The following RBFOX1 variants were observed in gnomAD, a reference collection of about 807,000 sequenced individuals.
RBFOX1 encodes the protein RNA binding protein fox-1 homolog 1.
RBFOX1 carries 8 observed loss-of-function variants against 57.7 expected under a neutral mutation model. That is an observed-to-expected ratio of 0.14 (90% CI 0.08 to 0.25). The LOEUF (loss-of-function observed/expected upper bound fraction) is 0.25. Ranked by LOEUF, RBFOX1 falls within the 10% of genes least tolerant of loss-of-function variation. The pLI, the probability that RBFOX1 is intolerant of heterozygous loss-of-function variation, is 1.00. For missense variants in RBFOX1, 611 were observed against 548.5 expected (o/e 1.11, Z -1.14); for synonymous variants, 326 against 222.4 (o/e 1.47, Z -4.15).
At chr16:5,324,006 C>A (rs770409900) in intron 1 of RBFOX1, among the ~76,000 whole-genome samples, 1 of 152,194 alleles carries the variant, frequency 6.6e-6, no homozygotes, top group Non-Finnish European at 1.5e-5. Flanking sequence ...AAGTGCTTTC[C>A]CCTACACTGT....
intron 1 of RBFOX1, among the ~76,000 whole-genome samples, chr16:5,273,332 A>G (rs2063061569): frequency 1.3e-5 from 2 of 151,906 alleles, no homozygotes; most frequent in African/African-American, 2.4e-5. Flanking sequence ...AGCACCTACT[A>G]TGTGTCAGTC....
chr16:6,037,995 G>A (rs1319148573), intron 1 of RBFOX1: 1 of 152,032 alleles, frequency 6.6e-6, no homozygotes. Context: ...GTATACTTAG[G>A]CATGATACAT....
intron 1 of RBFOX1, among the ~76,000 whole-genome samples, chr16:6,168,298 T>G (rs1376569832): frequency 6.6e-6 from 1 of 152,126 alleles, no homozygotes; most frequent in Non-Finnish European, 1.5e-5. Flanking sequence ...AGTGGGCGAT[T>G]TTTTGGAGGA....
At chr16:6,869,841 G>A (rs1354032306) in intron 3 of RBFOX1, among the ~76,000 whole-genome samples, 1 of 152,030 alleles carries the variant, frequency 6.6e-6, no homozygotes, top group African/African-American at 2.4e-5. Flanking sequence ...ACTGCTTCAC[G>A]GGAATCAGGA....
chr16:7,574,534 C>T (rs1233044005), intron 5 of RBFOX1, among the ~76,000 whole-genome samples: 1 of 152,194 alleles, frequency 6.6e-6, no homozygotes, highest in South Asian at 2.1e-4. Context: ...AACTTGGAGT[C>T]CCATGTTCGA....
At chr16:7,671,748 C>A (rs1303051905) in intron 13 of RBFOX1, 1 of 727,882 alleles carries the variant, frequency 1.4e-6, no homozygotes, top group Non-Finnish European at 2.4e-6. Context: ...AATATGAAAT[C>A]TCCTAGAATA....
chr16:6,898,777 C>A lies in RBFOX1; in HGVS notation c.-15-153280C>A, dbSNP rs1388261396. On this transcript the variant is annotated intron_variant, in intron 3 of 15. Transcript: ENST00000550418. ...ATATAATACGTGTATGCACATGCAT[C>A]TGTGTGTATGCATGTGCGTGTCTGT... Among the ~76,000 whole-genome samples the A allele has an allele frequency of 9.9e-5, 15 of 151,438 alleles. No homozygotes were observed. The East Asian group carries it at 2.9e-3, about 30-fold the overall frequency.
intron 1 of RBFOX1, among the ~76,000 whole-genome samples, chr16:6,162,038 C>G (rs926949353): frequency 1.3e-5 from 2 of 152,182 alleles, no homozygotes; most frequent in Non-Finnish European, 2.9e-5. Context: ...GCTGCAAAAG[C>G]ATTATAGGAA....
intron 4 of RBFOX1, among the ~76,000 whole-genome samples, chr16:7,272,159 T>C (rs2095333984): frequency 6.6e-6 from 1 of 152,202 alleles, no homozygotes; most frequent in African/African-American, 2.4e-5. Flanking sequence ...TAAATGTTAA[T>C]AGATTACTCT....
intron 4 of RBFOX1, among the ~76,000 whole-genome samples, chr16:5,920,002 G>T (rs2058786590): frequency 6.6e-6 from 1 of 152,070 alleles, no homozygotes; most frequent in South Asian, 2.1e-4. Context: ...GCAGTGGCGC[G>T]ATCTCACTGC....
chr16:6,598,742 T>C (rs9938978), intron 2 of RBFOX1, among the ~76,000 whole-genome samples: 10,429 of 152,054 alleles, frequency 0.069, 1,202 homozygotes, highest in African/African-American at 0.24. Context: ...GGTTGGGAGT[T>C]CGAGACCAGC....
intron 3 of RBFOX1, among the ~76,000 whole-genome samples, chr16:6,864,463 A>G (rs564625667): frequency 6.6e-6 from 1 of 152,280 alleles, no homozygotes; most frequent in Admixed American, 6.5e-5. Flanking sequence ...ATGCCCGAAA[A>G]AGTATAAATG....
intron 2 of RBFOX1, among the ~76,000 whole-genome samples, chr16:6,417,275 G>A (rs533777474): frequency 5.6e-4 from 85 of 152,110 alleles, no homozygotes; most frequent in Middle Eastern, 6.8e-3. Context: ...TGTGGAAAGT[G>A]CTGGGATTAC....
intron 4 of RBFOX1, chr16:7,332,654 C>G (rs2096713591): frequency 1.8e-6 from 1 of 567,234 alleles, no homozygotes; most frequent in South Asian, 5.2e-5. Flanking sequence ...GTCACTTGGT[C>G]TCTTGGTCTC....
intron 4 of RBFOX1, among the ~76,000 whole-genome samples, chr16:7,413,530 C>G (rs1022975698): frequency 1.3e-5 from 2 of 152,046 alleles, no homozygotes; most frequent in African/African-American, 2.4e-5. Context: ...CTGAGATGCC[C>G]TCTGTCTCCT....
intron 3 of RBFOX1, among the ~76,000 whole-genome samples, chr16:6,934,611 G>C (rs1002745538): frequency 1.3e-5 from 2 of 152,186 alleles, no homozygotes; most frequent in Admixed American, 6.5e-5. Context: ...GATGGAACTG[G>C]AGGTCATTGT....
intron 5 of RBFOX1, among the ~76,000 whole-genome samples, chr16:7,553,331 G>A (rs540720576): frequency 2.0e-5 from 3 of 152,054 alleles, no homozygotes; most frequent in African/African-American, 7.2e-5. Flanking sequence ...TTTCTGTAGA[G>A]ATGGGATCTC....
At chr16:6,552,719 C>T (rs1245041100) in intron 2 of RBFOX1, among the ~76,000 whole-genome samples, 1 of 151,908 alleles carries the variant, frequency 6.6e-6, no homozygotes, top group African/African-American at 2.4e-5. Flanking sequence ...TATACACATA[C>T]ATATGTGTGT....
At chr16:6,825,065 T>C (rs555989660) in intron 3 of RBFOX1, among the ~76,000 whole-genome samples, 2 of 144,298 alleles carry the variant, frequency 1.4e-5, no homozygotes, top group African/African-American at 5.1e-5. Context: ...GGCATGATCT[T>C]TGCTCACTGC....
Sources: gnomAD v4.1 joint callset for allele counts (sites outside exome capture counted in the v4.1 genomes callset) on GRCh38, gnomAD v4.1.1 for gene constraint, MANE v1.5 for transcripts, NCBI Gene and HGNC (gene_info 2026-07-23, HGNC 2026-07-21) for gene names.